AFG2A: variants seen among roughly 807,000 people sequenced by gnomAD.
The protein encoded by AFG2A is AAA ATPase AFG2A.
At chr4:122,938,243 T>A in the AFG2A span, 1 of 1,597,880 alleles carries the variant, frequency 6.3e-7, no homozygotes. Flanking sequence ...TGGATGGCAT[T>A]GGTTCAGTAA....
the AFG2A span, among the ~76,000 whole-genome samples, chr4:123,272,411 T>C: frequency 2.0e-5 from 3 of 152,356 alleles, no homozygotes; most frequent in African/African-American, 7.2e-5. Context: ...TTTACCAATA[T>C]GATTCCCCTT....
chr4:123,083,630 A>G, the AFG2A span, among the ~76,000 whole-genome samples: 24 of 149,900 alleles, frequency 1.6e-4, no homozygotes, highest in Non-Finnish European at 2.8e-4. Context: ...GTGTAGTGGC[A>G]CAATCATAGC....
the AFG2A span, among the ~76,000 whole-genome samples, chr4:122,965,610 CT>C: frequency 6.6e-6 from 1 of 152,134 alleles, no homozygotes; most frequent in Admixed American, 6.5e-5. Flanking sequence ...AGCCACACCT[CT>C]TTTTTATTTC....
At chr4:122,927,727 T>C in the AFG2A span, 5 of 1,613,258 alleles carry the variant, frequency 3.1e-6, no homozygotes, top group South Asian at 1.1e-5. Context: ...GGTCGACCAG[T>C]GTTGCTTACT....
the AFG2A span, among the ~76,000 whole-genome samples, chr4:123,035,721 A>G: frequency 6.6e-6 from 1 of 152,064 alleles, no homozygotes; most frequent in African/African-American, 2.4e-5. Flanking sequence ...GATAAAGCTG[A>G]TATATAAAAA....
At chr4:123,115,852 A>G in the AFG2A span, among the ~76,000 whole-genome samples, 1 of 152,130 alleles carries the variant, frequency 6.6e-6, no homozygotes, top group East Asian at 1.9e-4. Flanking sequence ...GGATGTATAG[A>G]TATACAGTGA....
chr4:123,041,941 A>G, the AFG2A span, among the ~76,000 whole-genome samples: 1 of 152,188 alleles, frequency 6.6e-6, no homozygotes, highest in Non-Finnish European at 1.5e-5. Flanking sequence ...GCTATTAGGT[A>G]TCTCCCTCAT....
chr4:123,052,697 G>A, the AFG2A span, among the ~76,000 whole-genome samples: 9 of 152,312 alleles, frequency 5.9e-5, no homozygotes, highest in South Asian at 4.1e-4. Flanking sequence ...TCTCCAGAGG[G>A]ACAGAACTAA....
At chr4:123,069,058 C>T in the AFG2A span, among the ~76,000 whole-genome samples, 5 of 152,044 alleles carry the variant, frequency 3.3e-5, no homozygotes, top group Non-Finnish European at 5.9e-5. Flanking sequence ...AAAGTGGGTT[C>T]GACTCACAAA....
the AFG2A span, among the ~76,000 whole-genome samples, chr4:123,010,707 T>A: frequency 7.2e-5 from 11 of 152,320 alleles, no homozygotes; most frequent in East Asian, 9.6e-4. Context: ...CCTAAGACAG[T>A]CAGTTTTTGC....
chr4:123,132,970 C>T, the AFG2A span, among the ~76,000 whole-genome samples: 5 of 151,910 alleles, frequency 3.3e-5, no homozygotes, highest in Admixed American at 6.6e-5. Flanking sequence ...TTAGTAGAGA[C>T]GGGGTTTCAC....
the AFG2A span, among the ~76,000 whole-genome samples, chr4:123,082,070 T>A: frequency 6.6e-6 from 1 of 152,204 alleles, no homozygotes; most frequent in Non-Finnish European, 1.5e-5. Flanking sequence ...TTTCTCCCAG[T>A]CTGTGGCTTG....
At chr4:123,174,181 T>A in the AFG2A span, among the ~76,000 whole-genome samples, 1 of 152,230 alleles carries the variant, frequency 6.6e-6, no homozygotes, top group African/African-American at 2.4e-5. Flanking sequence ...TTTCAGTAGT[T>A]TTGTTTTTCC....
the AFG2A span, among the ~76,000 whole-genome samples, chr4:123,228,684 G>A: frequency 6.6e-6 from 1 of 151,956 alleles, no homozygotes; most frequent in Non-Finnish European, 1.5e-5. Flanking sequence ...ACACATTTTA[G>A]AGGTGAAGAA....
the AFG2A span, among the ~76,000 whole-genome samples, chr4:123,300,292 AAGAATAACT>A: frequency 6.6e-6 from 1 of 152,346 alleles, no homozygotes; most frequent in South Asian, 2.1e-4. Flanking sequence ...GGCCTGAACA[AAGAATAACT>A]ATAATGAAAA....
At chr4:122,966,924 A>G in the AFG2A span, among the ~76,000 whole-genome samples, 1 of 152,138 alleles carries the variant, frequency 6.6e-6, no homozygotes, top group Non-Finnish European at 1.5e-5. Context: ...TTTTGAGTGA[A>G]TAGATGAGTT....
At chr4:122,966,532 G>A in the AFG2A span, among the ~76,000 whole-genome samples, 3 of 152,022 alleles carry the variant, frequency 2.0e-5, no homozygotes, top group Non-Finnish European at 4.4e-5. Flanking sequence ...TGGAATAGTC[G>A]GCTGCCTCTT....
At chr4:123,122,832 C>T in the AFG2A span, among the ~76,000 whole-genome samples, 1,808 of 150,484 alleles carry the variant, frequency 0.012, 44 homozygotes, top group African/African-American at 0.04. Context: ...TGGAAATCCA[C>T]ATCTGCTCTT....
chr4:122,927,090 G>T, the AFG2A span, among the ~76,000 whole-genome samples: 1 of 152,146 alleles, frequency 6.6e-6, no homozygotes, highest in African/African-American at 2.4e-5. Flanking sequence ...CCTGAATTCT[G>T]GACCCCCTTT....
Sources: allele counts gnomAD v4.1 joint callset (sites outside exome capture counted in the v4.1 genomes callset), GRCh38; gene constraint gnomAD v4.1.1; transcripts MANE v1.5; gene names NCBI Gene and HGNC (gene_info 2026-07-23, HGNC 2026-07-21).